The following RLF variants were observed in gnomAD, a reference collection of about 807,000 sequenced individuals.
RLF encodes zinc finger protein Rlf.
A neutral mutation model predicts 162.9 loss-of-function variants in RLF; 7 were observed. That is an observed-to-expected ratio of 0.04 (90% CI 0.02 to 0.08). The LOEUF is 0.08. Among genes scored for constraint, RLF ranks in the 10% least tolerant of loss-of-function variants. The pLI is 1.00. For synonymous variants in RLF, 782 were observed against 791.5 expected (o/e 0.99, Z 0.20); for missense variants, 1,664 against 2,244.7 (o/e 0.74, Z 5.23).
At chr1:40,228,906 C>T (rs1010810013) in intron 6 of RLF, among the ~76,000 whole-genome samples, 8 of 152,140 alleles carry the variant, frequency 5.3e-5, no homozygotes, top group African/African-American at 1.9e-4. Flanking sequence ...CCACCCTGCC[C>T]GCCCCCCGCT....
chr1:40,171,370 G>A (rs1642242774), intron 1 of RLF, among the ~76,000 whole-genome samples: 1 of 152,148 alleles, frequency 6.6e-6, no homozygotes, highest in African/African-American at 2.4e-5. Context: ...TAACCTGAAT[G>A]TGTCACGTTA....
chr1:40,163,076 A>C (rs1642118661), intron 1 of RLF, among the ~76,000 whole-genome samples: 1 of 152,172 alleles, frequency 6.6e-6, no homozygotes, highest in Non-Finnish European at 1.5e-5. Flanking sequence ...GTGAGGAGAG[A>C]GCCTTCATGG....
Position 40,214,432 on chromosome 1 carries a change from G to C in RLF, c.811-8142G>C, listed in dbSNP as rs549516233. On this transcript the variant is annotated intron_variant, in intron 5 of 7. Transcript: ENST00000372771. ...AGAATATCACCTTTGACCTCAGCTG[G>C]TAATATGCCTGTCAGGTGGCTCAAA... Among the ~76,000 whole-genome samples the C allele has an allele frequency of 1.8e-4, 27 of 152,304 alleles. 1 individual carries two copies. The South Asian group carries it at 5.6e-3, about 32-fold the overall frequency.
At chr1:40,194,835 T>C (rs1642608397) in intron 3 of RLF, among the ~76,000 whole-genome samples, 1 of 151,126 alleles carries the variant, frequency 6.6e-6, no homozygotes, top group East Asian at 2.0e-4. Context: ...TATTTATTTA[T>C]TTATTTATTT....
intron 7 of RLF, among the ~76,000 whole-genome samples, chr1:40,235,055 ATTTTTTTTT>A (rs761816149): frequency 2.8e-5 from 3 of 105,464 alleles, no homozygotes; most frequent in Non-Finnish European, 3.7e-5. Flanking sequence ...GATAGAGAGA[ATTTTTTTTT>A]TTTTTTTTTT....
rs1168908018 is a variant in RLF at position 40,224,623 on chromosome 1, C to CTTTTTT, written c.947+1939_947+1944dup. ...TTTCCCCTTCCATTGTTTTTGAAAG[C>CTTTTTT]TTTTTTTTTTTTTTTTTTTTTTTTT... On this transcript the variant is annotated intron_variant, in intron 6 of 7. Transcript: ENST00000372771. 9.3e-4 allele frequency among the ~76,000 whole-genome samples: 31 copies of CTTTTTT among 33,264 alleles called. 2 individuals are homozygous for CTTTTTT. Among genetic ancestry groups the CTTTTTT allele is most frequent in the Admixed American group, 1.4e-3 (2 of 1,444 alleles). 21.8% of individuals were successfully genotyped at this position (33,264 alleles called of 152,430 possible).
chr1:40,190,302 G>GT (rs952153661), intron 2 of RLF, among the ~76,000 whole-genome samples: 13 of 151,612 alleles, frequency 8.6e-5, no homozygotes, highest in Admixed American at 4.6e-4. Context: ...CTTTTGCTTG[G>GT]TTTTTTTTAC....
intron 1 of RLF, among the ~76,000 whole-genome samples, chr1:40,183,066 C>T (rs1475444386): frequency 2.0e-5 from 3 of 152,092 alleles, no homozygotes; most frequent in Non-Finnish European, 4.4e-5. Flanking sequence ...CTGATCTGTT[C>T]TAGCCATCTA....
chr1:40,227,929 G>C lies in RLF; in HGVS notation c.948-3588G>C, dbSNP rs1643099225. 2.0e-5 allele frequency among the ~76,000 whole-genome samples: 3 copies of C among 152,004 alleles called. No homozygotes were observed. The South Asian group carries it at 6.2e-4, about 32-fold the overall frequency. On this transcript the variant is annotated intron_variant, in intron 6 of 7. Coordinates refer to ENST00000372771, the MANE Select transcript of RLF (RefSeq NM_012421.4). ...GAGGCAGGAGAATCGCTTGAACCTG[G>C]GTGGCAGAGGTTGCAGTAAGCCGAT...
chr1:40,170,604 G>A (rs1456837829), intron 1 of RLF, among the ~76,000 whole-genome samples: 4 of 152,042 alleles, frequency 2.6e-5, no homozygotes, highest in African/African-American at 4.8e-5. Context: ...GTTGGTTCTC[G>A]CTATTTGCAG....
intron 5 of RLF, among the ~76,000 whole-genome samples, chr1:40,204,850 A>G (rs1433250519): frequency 6.6e-6 from 1 of 152,070 alleles, no homozygotes; most frequent in Non-Finnish European, 1.5e-5. Flanking sequence ...TTAACTCCCT[A>G]TTTCTCTGAA....
chr1:40,237,965 A>G lies in RLF; in HGVS notation c.3263A>G (p.Tyr1088Cys), dbSNP rs773569867. 1.6e-5 allele frequency: 26 copies of G among 1,613,990 alleles called. No homozygotes were observed. In the South Asian group the frequency reaches 2.6e-4, roughly 16 times the overall value. Residue 1088 changes from tyrosine (Y) to cysteine (C), a missense_variant, in exon 8 of 8, where the codon TAC becomes TGC. Physicochemically the swap from Tyr to Cys is radical, Grantham distance 194. Coordinates refer to ENST00000372771, the MANE Select transcript of RLF (RefSeq NM_012421.4). The surrounding 1 kb of genome is among the most constrained non-coding windows in gnomAD (Gnocchi z 4.4). ...HGSFSGSLQG[Y>C]PSSGAKSLQS... ...TCTTTCTCAGGGTCATTGCAGGGGTACCCATCCAGTGGTGCTAAGTCTCTT... is the reference window on the plus strand; with the variant it reads ...TCTTTCTCAGGGTCATTGCAGGGGTGCCCATCCAGTGGTGCTAAGTCTCTT...
At chr1:40,233,634 C>G (rs1643181540) in intron 7 of RLF, among the ~76,000 whole-genome samples, 1 of 152,160 alleles carries the variant, frequency 6.6e-6, no homozygotes, top group Non-Finnish European at 1.5e-5. Context: ...GGAGAAACTT[C>G]TATATTCTTT....
At chr1:40,196,217 C>T (rs1230171215) in intron 4 of RLF, among the ~76,000 whole-genome samples, 2 of 151,732 alleles carry the variant, frequency 1.3e-5, no homozygotes, top group Non-Finnish European at 2.9e-5. Flanking sequence ...GGATTACAGG[C>T]GCGCGCCACC....
In RLF at chr1:40,222,383, A is replaced by G. The variant is rs1417463518; in HGVS notation, c.811-191A>G. ...TTTATCTGTATTGAGACTGTAGTAGAACTTCCTTATAGTGTCTGTTCCCTT... is the reference window on the plus strand; with the variant it reads ...TTTATCTGTATTGAGACTGTAGTAGGACTTCCTTATAGTGTCTGTTCCCTT... On this transcript the variant is annotated intron_variant, in intron 5 of 7. Coordinates refer to ENST00000372771, the MANE Select transcript of RLF (RefSeq NM_012421.4). Among the ~76,000 whole-genome samples the G allele has an allele frequency of 2.0e-5, 3 of 152,212 alleles. No individual in the cohort carries two copies. In the East Asian group the frequency reaches 5.8e-4, roughly 29 times the overall value.
At chr1:40,188,242 A>G (rs1642508467) in intron 1 of RLF, among the ~76,000 whole-genome samples, 2 of 152,246 alleles carry the variant, frequency 1.3e-5, no homozygotes, top group Non-Finnish European at 1.5e-5. Context: ...AACACTGTCC[A>G]GGGAGAACAT....
At chr1:40,166,939 C>T (rs781047340) in intron 1 of RLF, among the ~76,000 whole-genome samples, 3 of 151,792 alleles carry the variant, frequency 2.0e-5, no homozygotes, top group Non-Finnish European at 4.4e-5. Context: ...ACCAACATGG[C>T]ACATGTGTGC....
At chr1:40,200,076 G>C (rs756187299) in intron 4 of RLF, among the ~76,000 whole-genome samples, 1 of 152,176 alleles carries the variant, frequency 6.6e-6, no homozygotes, top group East Asian at 1.9e-4. Flanking sequence ...ATTGTGACCT[G>C]TTTTCCCTCC....
In RLF at chr1:40,236,347, A is replaced by C; in HGVS notation, c.1645A>C (p.Arg549=). The C allele has an allele frequency of 6.2e-7, 1 of 1,614,004 alleles. No homozygotes were observed. Among genetic ancestry groups the C allele is most frequent in the Non-Finnish European group, 8.5e-7 (1 of 1,179,992 alleles). ...KPIGSSERYQ[R]WLQYKFFCLL... ...TATTGGCTCTTCTGAAAGATATCAG[A>C]GGTGGCTTCAGTACAAGTTTTTCTG... Residue 549 remains arginine, a synonymous_variant, in exon 8 of 8, where the codon AGG becomes CGG. Transcript: ENST00000372771. This position sits in a 1 kb window ranked among gnomAD's most constrained non-coding sequence, Gnocchi z 7.7.
Sources: allele counts gnomAD v4.1 joint callset (sites outside exome capture counted in the v4.1 genomes callset), GRCh38; gene constraint gnomAD v4.1.1; non-coding constraint Gnocchi (gnomAD v3.1); transcripts MANE v1.5; gene names NCBI Gene and HGNC (gene_info 2026-07-23, HGNC 2026-07-21).